TRIM37: variants seen among roughly 807,000 people sequenced by gnomAD.
The protein encoded by TRIM37 is E3 ubiquitin-protein ligase TRIM37.
TRIM37 carries 80 observed loss-of-function variants against 129.8 expected under a neutral mutation model. That is an observed-to-expected ratio of 0.62 (90% confidence interval 0.51 to 0.74). The LOEUF is 0.74. Ranked by LOEUF, TRIM37 falls within the 30% of genes least tolerant of loss-of-function variation. The pLI, the probability that TRIM37 is intolerant of heterozygous loss-of-function variation, is 0.00. For missense variants in TRIM37, 1,054 were observed against 1,176.5 expected, an observed-to-expected ratio of 0.90 and a Z score of 1.52; for synonymous variants, 389 against 387.1, an observed-to-expected ratio of 1.00 and a Z score of -0.06.
downstream of TRIM37, chr17:58,998,118 T>C: frequency 1.4e-6 from 1 of 699,600 alleles, no homozygotes; most frequent in Non-Finnish European, 1.8e-6. Context: ...AATCAAATGT[T>C]TGGATCTTCT....
intron 9 of TRIM37, among the ~76,000 whole-genome samples, chr17:59,067,010 G>C (rs1460957674): frequency 1.3e-5 from 2 of 151,860 alleles, no homozygotes; most frequent in East Asian, 3.9e-4. Context: ...AAATTACTTT[G>C]CTTTTTAAAT....
chr17:59,044,718 G>A (rs2039594641), intron 16 of TRIM37, among the ~76,000 whole-genome samples: 1 of 152,070 alleles, frequency 6.6e-6, no homozygotes, highest in Non-Finnish European at 1.5e-5. Flanking sequence ...AAAGTATAGG[G>A]GAGGATGTGC....
chr17:58,970,355 T>A, the TRIM37 span, among the ~76,000 whole-genome samples: 6 of 152,298 alleles, frequency 3.9e-5, no homozygotes, highest in Middle Eastern at 3.4e-3. Context: ...AGTAAAAAAA[T>A]TAATCTAATT....
In TRIM37 at chr17:59,049,229, CT is replaced by C; in HGVS notation, c.1478del (p.Glu493GlyfsTer36). ...EGGPTTASVREAKEDEEDEEK... is the reference protein window; with the variant it reads ...EGGPTTASVRXAKEDEEDEEK... Reference sequence around the variant, plus strand: ...CCTCATCTTCTTCATCCTCTTTGGCCTCTCTTACAGAAGCTGTAGTAGGACC... The same window carrying C: ...CCTCATCTTCTTCATCCTCTTTGGCCCTCTTACAGAAGCTGTAGTAGGACC... On this transcript the variant is annotated frameshift_variant, in exon 15 of 24. Transcript: ENST00000262294. LOFTEE classifies it high-confidence loss of function. 1.2e-6 allele frequency: 2 copies of C among 1,613,916 alleles called. No homozygotes were observed. The highest frequency in any genetic ancestry group is 1.7e-6 in the Non-Finnish European group (2 of 1,180,010).
chr17:59,093,021 G>A (rs2044536100), intron 2 of TRIM37, among the ~76,000 whole-genome samples: 1 of 152,042 alleles, frequency 6.6e-6, no homozygotes, highest in South Asian at 2.1e-4. Flanking sequence ...GTGGTGGCAT[G>A]AGCATGTAGT....
chr17:59,090,611 AT>A (rs1169395842), intron 3 of TRIM37, among the ~76,000 whole-genome samples: 2 of 151,344 alleles, frequency 1.3e-5, no homozygotes, highest in Non-Finnish European at 2.9e-5. Flanking sequence ...TTTTGTTTTT[AT>A]TTTTTTGAGA....
chr17:59,049,995 T>C (rs1440402330), intron 14 of TRIM37, among the ~76,000 whole-genome samples: 4 of 152,198 alleles, frequency 2.6e-5, no homozygotes, highest in African/African-American at 9.6e-5. Context: ...TCTGAAAGCA[T>C]GTATTTATTC....
At chr17:59,075,266 T>C (rs887346947) in intron 8 of TRIM37, among the ~76,000 whole-genome samples, 8 of 151,358 alleles carry the variant, frequency 5.3e-5, no homozygotes, top group Middle Eastern at 3.4e-3. Context: ...AAAAAACGTT[T>C]ATAATATACA....
At chr17:59,072,721 G>A (rs1030960523) in intron 8 of TRIM37, among the ~76,000 whole-genome samples, 6 of 150,230 alleles carry the variant, frequency 4.0e-5, no homozygotes, top group East Asian at 2.0e-4. Flanking sequence ...GCACTCCAGC[G>A]TGGGCGACAA....
intron 8 of TRIM37, among the ~76,000 whole-genome samples, chr17:59,072,573 C>A (rs916699444): frequency 6.6e-6 from 1 of 151,874 alleles, no homozygotes; most frequent in Non-Finnish European, 1.5e-5. Context: ...CATGGTGAAA[C>A]CCCATCTCTA....
chr17:59,095,862 G>C (rs1308918684), intron 2 of TRIM37, among the ~76,000 whole-genome samples: 1 of 152,114 alleles, frequency 6.6e-6, no homozygotes, highest in East Asian at 1.9e-4. Context: ...GAGGCTACAG[G>C]TGTGCCCACC....
At chr17:59,002,592 T>A (rs1040119326) in intron 22 of TRIM37, among the ~76,000 whole-genome samples, 1 of 152,184 alleles carries the variant, frequency 6.6e-6, no homozygotes, top group Admixed American at 6.5e-5. Context: ...TTCAGCAAGA[T>A]AGCAATCAAG....
chr17:58,995,639 A>C (rs1243664299), downstream of TRIM37, among the ~76,000 whole-genome samples: 1 of 152,232 alleles, frequency 6.6e-6, no homozygotes, highest in Non-Finnish European at 1.5e-5. Flanking sequence ...TTCTAACAAA[A>C]AACATAGAAG....
chr17:58,985,863 C>T (rs986150682), intron 24 of TRIM37, among the ~76,000 whole-genome samples: 1 of 151,276 alleles, frequency 6.6e-6, no homozygotes, highest in Non-Finnish European at 1.5e-5. Context: ...ACCAAATGAA[C>T]AATTGAGAAA....
chr17:59,012,212 C>CTACCAGCAGCAGCAGCAG (rs1555639495), intron 22 of TRIM37, 116 bp downstream of exon 22: 3 of 384,062 alleles, frequency 7.8e-6, no homozygotes, highest in African/African-American at 1.3e-4. Flanking sequence ...CCTATCACTA[C>CTACCAGCAGCAGCAGCAG]CACCAGCAGC....
chr17:59,000,766 A>G (rs1353542656), intron 23 of TRIM37, among the ~76,000 whole-genome samples: 1 of 152,172 alleles, frequency 6.6e-6, no homozygotes, highest in Non-Finnish European at 1.5e-5. Flanking sequence ...TTATTTTAAA[A>G]GGTTAAAGTT....
At chr17:59,041,754 G>A (rs142750817) in intron 17 of TRIM37, 59 bp downstream of exon 17, 3 of 1,272,960 alleles carry the variant, frequency 2.4e-6, no homozygotes, top group East Asian at 4.6e-5. Flanking sequence ...ATATAATACA[G>A]TCAGAGAAGA....
intron 24 of TRIM37, among the ~76,000 whole-genome samples, chr17:58,991,484 C>A (rs2032402420): frequency 1.3e-5 from 2 of 151,552 alleles, no homozygotes; most frequent in African/African-American, 2.4e-5. Flanking sequence ...TCCAGTGAGC[C>A]GAGATAAAAA....
At position 59,104,392 on chromosome 17, in the gene TRIM37, G is replaced by A. The variant is rs1432739465; in HGVS notation, c.24C>T (p.Ser8=). The part of the protein sequence containing the change: MDEQSVE[S]IAEVFRCFIC... ...TGAAACATCGGAAAACCTCAGCAAT[G>A]CTCTGAAAACAGTAAAAGATGTAAG... Residue 8 remains serine, a splice_region_variant and synonymous_variant, in exon 2 of 24, where the codon AGC becomes AGT. Coordinates refer to ENST00000262294, the MANE Select transcript of TRIM37 (RefSeq NM_015294.6). 7 of 1,613,912 alleles carry A rather than the reference G, an allele frequency of 4.3e-6. No individual in the cohort carries two copies. The highest frequency in any genetic ancestry group is 5.9e-6 in the Non-Finnish European group (7 of 1,179,902).
Sources: allele counts gnomAD v4.1 joint callset (sites outside exome capture counted in the v4.1 genomes callset), GRCh38; gene constraint gnomAD v4.1.1; transcripts MANE v1.5; gene names NCBI Gene and HGNC (gene_info 2026-07-23, HGNC 2026-07-21).